ACTR3C: variants seen among roughly 807,000 people sequenced by gnomAD.
ACTR3C encodes actin related protein 3C.
Under a neutral mutation model 26.3 loss-of-function variants are expected in ACTR3C, and 18 were observed. The observed-to-expected ratio is 0.68, with a 90% CI of 0.47 to 1.01. The LOEUF (loss-of-function observed/expected upper bound fraction) is 1.01. Ranked by LOEUF, ACTR3C falls within the 50% of genes least tolerant of loss-of-function variation. The pLI, the probability that ACTR3C is intolerant of heterozygous loss-of-function variation, is 0.00. For missense variants in ACTR3C, 184 were observed against 250.7 expected (o/e 0.73, Z 1.80); for synonymous variants, 55 against 94.5 (o/e 0.58, Z 2.42).
chr7:150,059,053 G>A, the ACTR3C span, among the ~76,000 whole-genome samples: 1 of 152,106 alleles, frequency 6.6e-6, no homozygotes, highest in African/African-American at 2.4e-5. Flanking sequence ...AAAATCCCCC[G>A]GGCTTAGGCC....
the ACTR3C span, among the ~76,000 whole-genome samples, chr7:150,193,061 C>T: frequency 6.6e-6 from 1 of 152,192 alleles, no homozygotes; most frequent in African/African-American, 2.4e-5. Context: ...GGACTTGTAG[C>T]AGACTTTGGA....
the ACTR3C span, among the ~76,000 whole-genome samples, chr7:150,059,402 A>T: frequency 2.0e-5 from 3 of 152,344 alleles, no homozygotes; most frequent in South Asian, 6.2e-4. Flanking sequence ...CTGAGGAAAA[A>T]TACCACTGTA....
chr7:150,039,087 A>C, the ACTR3C span, among the ~76,000 whole-genome samples: 2 of 147,556 alleles, frequency 1.4e-5, no homozygotes, highest in African/African-American at 2.5e-5. Context: ...TGGACTACTA[A>C]CACCCACAGT....
At chr7:150,025,354 C>T in the ACTR3C span, among the ~76,000 whole-genome samples, 2,264 of 151,994 alleles carry the variant, frequency 0.015, 25 homozygotes, top group Non-Finnish European at 0.018. Flanking sequence ...GTACCAGGCA[C>T]GTGGATGAAA....
the ACTR3C span, among the ~76,000 whole-genome samples, chr7:150,115,701 T>A: frequency 6.6e-6 from 1 of 152,208 alleles, no homozygotes; most frequent in Non-Finnish European, 1.5e-5. Context: ...ACACATCACA[T>A]GGGCAAATAG....
chr7:150,303,380 C>T (rs1795580963), intron 1 of ACTR3C, among the ~76,000 whole-genome samples: 1 of 152,180 alleles, frequency 6.6e-6, no homozygotes, highest in Non-Finnish European at 1.5e-5. Flanking sequence ...GTTAGCCACA[C>T]CAGAGAGCTG....
At chr7:150,139,190 C>T in the ACTR3C span, among the ~76,000 whole-genome samples, 1 of 152,240 alleles carries the variant, frequency 6.6e-6, no homozygotes, top group South Asian at 2.1e-4. Context: ...TCCCTGGTGC[C>T]AAAAAGTCTG....
chr7:149,958,277 T>C, the ACTR3C span, among the ~76,000 whole-genome samples: 121 of 152,056 alleles, frequency 8.0e-4, no homozygotes, highest in Non-Finnish European at 1.6e-3. Context: ...TCATGATGGG[T>C]CCAATATGCT....
the ACTR3C span, among the ~76,000 whole-genome samples, chr7:150,129,741 T>C: frequency 6.6e-6 from 1 of 152,128 alleles, no homozygotes; most frequent in Non-Finnish European, 1.5e-5. Flanking sequence ...ACACTTAATG[T>C]TACTAACATG....
chr7:149,925,109 C>G, the ACTR3C span, among the ~76,000 whole-genome samples: 1 of 151,106 alleles, frequency 6.6e-6, no homozygotes, highest in Non-Finnish European at 1.5e-5. Flanking sequence ...AAGATAAAAT[C>G]GAAGAGAAGG....
the ACTR3C span, among the ~76,000 whole-genome samples, chr7:150,162,615 G>A: frequency 7.2e-5 from 11 of 152,058 alleles, no homozygotes; most frequent in East Asian, 1.9e-4. Context: ...GGGTCCAGCC[G>A]TAAGTTTTTA....
At chr7:149,983,742 T>C in the ACTR3C span, among the ~76,000 whole-genome samples, 2 of 152,000 alleles carry the variant, frequency 1.3e-5, no homozygotes, top group East Asian at 1.9e-4. Context: ...CATTGACAGA[T>C]GAATGGATAA....
chr7:150,284,478 G>A (rs1401027626), intron 6 of ACTR3C, among the ~76,000 whole-genome samples: 4 of 152,118 alleles, frequency 2.6e-5, no homozygotes, highest in African/African-American at 4.8e-5. Context: ...CCCAGGAGGC[G>A]GAGGTTATAG....
At chr7:150,199,725 CAAAAAAA>C in the ACTR3C span, among the ~76,000 whole-genome samples, 5 of 86,086 alleles carry the variant, frequency 5.8e-5, no homozygotes, top group African/African-American at 9.8e-5. Context: ...ATATTTTTAT[CAAAAAAA>C]AAAAAAAAAA....
chr7:150,299,964 G>GC (rs144983978), intron 1 of ACTR3C, among the ~76,000 whole-genome samples: 1 of 150,456 alleles, frequency 6.6e-6, no homozygotes, highest in African/African-American at 2.5e-5. Context: ...TAGTATTAGG[G>GC]TTTTTTTTTA....
At chr7:149,931,545 G>A in the ACTR3C span, among the ~76,000 whole-genome samples, 4,484 of 152,214 alleles carry the variant, frequency 0.029, 94 homozygotes, top group Middle Eastern at 0.058. Flanking sequence ...ACAGTGACAC[G>A]CCATGGCTTT....
chr7:150,179,131 G>A, the ACTR3C span, among the ~76,000 whole-genome samples: 1 of 145,270 alleles, frequency 6.9e-6, no homozygotes, highest in Non-Finnish European at 1.5e-5. Flanking sequence ...ACTATATTGA[G>A]GTTTTCAGAT....
intron 6 of ACTR3C, among the ~76,000 whole-genome samples, chr7:150,258,380 A>G (rs1468739408): frequency 1.3e-5 from 2 of 150,884 alleles, no homozygotes; most frequent in Admixed American, 6.6e-5. Flanking sequence ...ACTACTTAAT[A>G]AAGGGCCCGA....
the ACTR3C span, among the ~76,000 whole-genome samples, chr7:150,032,951 G>T: frequency 6.6e-6 from 1 of 152,188 alleles, no homozygotes; most frequent in South Asian, 2.1e-4. Context: ...ACGCTGCCCA[G>T]CTTGCTGATG....
Sources: allele counts gnomAD v4.1 joint callset (sites outside exome capture counted in the v4.1 genomes callset), GRCh38; gene constraint gnomAD v4.1.1; transcripts MANE v1.5; gene names NCBI Gene and HGNC (gene_info 2026-07-23, HGNC 2026-07-21).